Variants in SLC1A7 observed in about 807,000 individuals in gnomAD.
SLC1A7 encodes the protein solute carrier family 1 member 7.
SLC1A7 carries 40 observed loss-of-function variants against 47.7 expected under a neutral mutation model. The ratio of observed to expected loss-of-function variants is 0.84; its 90% confidence interval spans 0.65 to 1.09. The LOEUF is 1.09. Ranked by LOEUF, SLC1A7 falls within the 50% of genes least tolerant of loss-of-function variation. SLC1A7 has a pLI of 0.00. For missense variants in SLC1A7, 746 were observed against 769.5 expected, an observed-to-expected ratio of 0.97 and a Z score of 0.36; for synonymous variants, 323 against 325.6, an observed-to-expected ratio of 0.99 and a Z score of 0.09.
At chr1:53,107,153 T>TAAAAA (rs11417607) in intron 3 of SLC1A7, among the ~76,000 whole-genome samples, 1 of 24,334 alleles carries the variant, frequency 4.1e-5, no homozygotes, top group Non-Finnish European at 1.0e-4. Flanking sequence ...AGACTCTGAC[T>TAAAAA]AAAAAAAAAA....
chr1:53,134,274 G>T, intron 2 of SLC1A7, 76 bp downstream of exon 2: 1 of 1,063,464 alleles, frequency 9.4e-7, no homozygotes, highest in Non-Finnish European at 1.4e-6. Context: ...GCCACCCACA[G>T]CAGGAGCAGG....
rs1425595393 is a variant in SLC1A7 at position 53,092,848 on chromosome 1, C to A, written c.798-61G>T. 8 of 1,111,340 alleles carry A rather than the reference C, an allele frequency of 7.2e-6. No individual in the cohort carries two copies. In the South Asian group the frequency reaches 7.6e-5, roughly 11 times the overall value. 68.8% of individuals were successfully genotyped at this position (1,111,340 alleles called of 1,614,324 possible). Reference sequence around the variant, plus strand: ...GCAGGCAGACACACCCCGGCCCCAGCCCCGCATCGCTGCGCGGCCTTCCCC... The same window carrying A: ...GCAGGCAGACACACCCCGGCCCCAGACCCGCATCGCTGCGCGGCCTTCCCC... On this transcript the variant is annotated intron_variant, in intron 6 of 10. Coordinates refer to ENST00000371494, the MANE Select transcript of SLC1A7 (RefSeq NM_006671.6).
At chr1:53,128,346 G>T (rs113488492) in intron 2 of SLC1A7, among the ~76,000 whole-genome samples, 1 of 152,148 alleles carries the variant, frequency 6.6e-6, no homozygotes, top group Admixed American at 6.5e-5. Flanking sequence ...GCATGGTGGC[G>T]TGTGCCTGTA....
intron 3 of SLC1A7, among the ~76,000 whole-genome samples, chr1:53,109,310 C>T (rs1017915453): frequency 6.6e-6 from 1 of 152,156 alleles, no homozygotes; most frequent in East Asian, 1.9e-4. Flanking sequence ...ATAAATAGAG[C>T]CCAGTCATTA....
At position 53,088,960 on chromosome 1, in the gene SLC1A7, T is replaced by C; in HGVS notation, c.1381A>G (p.Ile461Val). The C allele has an allele frequency of 1.2e-6, 2 of 1,614,048 alleles. No individual in the cohort carries two copies. Among genetic ancestry groups the C allele is most frequent in the South Asian group, 1.1e-5 (1 of 91,088 alleles). ...DWALDRFRTM[I>V]NVLGDALAAG... ...GCCAGCGCATCACCCAGCACGTTAA[T>C]CATGGTGCGGAAACGGTCCCTGGTG... Residue 461 changes from isoleucine to valine, a missense_variant, in exon 10 of 11, where the codon ATT (isoleucine) becomes GTT (valine). By Grantham distance (29) the Ile-to-Val change is conservative. Coordinates refer to ENST00000371494, the MANE Select transcript of SLC1A7 (RefSeq NM_006671.6).
Position 53,090,967 on chromosome 1 carries a change from C to T in SLC1A7, c.1032-161G>A, listed in dbSNP as rs1044309887. The T allele has an allele frequency of 5.3e-6, 8 of 1,503,246 alleles. No individual in the cohort carries two copies. The South Asian group carries it at 8.9e-5, about 17-fold the overall frequency. The allele number at this position is 1,503,246 out of a possible 1,614,324, so 93.1% of individuals were successfully genotyped here. A position where few individuals can be genotyped will look rare whatever the true frequency, so the allele number is the denominator to read the frequency against. ...GGTAAGGACCGCGGGCACTGCAGTG[C>T]TCTCACTTGGTTCTTCCTATGAGGG... is the stretch of plus-strand genomic sequence containing the variant. On this transcript the variant is annotated intron_variant, in intron 7 of 10. Transcript: ENST00000371494.
Position 53,093,521 on chromosome 1 carries a change from A to G in SLC1A7, c.737T>C (p.Leu246Pro), listed in dbSNP as rs1557667839. 2 of 1,609,864 alleles carry G rather than the reference A, an allele frequency of 1.2e-6. No homozygotes were observed. The highest frequency in any genetic ancestry group is 1.7e-6 in the Non-Finnish European group (2 of 1,179,748). ...ATTGAGGCACTGGCAGAAGCTGACC[A>G]GGGGGGCCCCGCTGTCACCCATGCG... Reference protein sequence around the residue: ...LGRMGDSGAPLVSFCQCLNES... With the variant: ...LGRMGDSGAPPVSFCQCLNES... Residue 246 changes from leucine to proline, a missense_variant, in exon 6 of 11, where the codon CTG becomes CCG. Coordinates refer to ENST00000371494, the MANE Select transcript of SLC1A7 (RefSeq NM_006671.6).
At chr1:53,088,276 G>A (rs2150312179) in intron 10 of SLC1A7, 49 bp from the exon 11 acceptor site, 1 of 1,468,044 alleles carries the variant, frequency 6.8e-7, no homozygotes, top group East Asian at 2.5e-5. Context: ...ACCAAGGTTA[G>A]ATACGAGGGA....
chr1:53,105,625 T>C, intron 4 of SLC1A7, 107 bp downstream of exon 4: 1 of 906,904 alleles, frequency 1.1e-6, no homozygotes, highest in East Asian at 2.4e-5. Flanking sequence ...GCAGACAGCG[T>C]GACTGGCCAG....
intron 2 of SLC1A7, among the ~76,000 whole-genome samples, chr1:53,132,157 G>C (rs1248400605): frequency 6.6e-6 from 1 of 152,148 alleles, no homozygotes; most frequent in East Asian, 1.9e-4. Flanking sequence ...CCTAGACCAG[G>C]TTAATGGTCT....
At chr1:53,111,182 G>A (rs1256613274) in intron 3 of SLC1A7, among the ~76,000 whole-genome samples, 1 of 152,156 alleles carries the variant, frequency 6.6e-6, no homozygotes, top group Non-Finnish European at 1.5e-5. Context: ...CTCAGGAGAG[G>A]CGACACCCAG....
chr1:53,107,469 C>T (rs1305906255), intron 3 of SLC1A7, among the ~76,000 whole-genome samples: 3 of 152,122 alleles, frequency 2.0e-5, no homozygotes, highest in Non-Finnish European at 4.4e-5. Flanking sequence ...TTATGTAAAC[C>T]GCTAACATCA....
chr1:53,096,766 C>T (rs72480621), intron 5 of SLC1A7, among the ~76,000 whole-genome samples: 9,785 of 151,576 alleles, frequency 0.065, 415 homozygotes, highest in East Asian at 0.16. Flanking sequence ...AGCCTTGGTA[C>T]ACTCACAGAT....
intron 6 of SLC1A7, 21 bp from the exon 7 acceptor site, chr1:53,092,808 AG>A (rs1644440062): frequency 6.5e-7 from 1 of 1,533,206 alleles, no homozygotes; most frequent in South Asian, 1.1e-5. Context: ...CGGGGCAGCC[AG>A]GCTCAGGAAC....
Position 53,100,527 on chromosome 1 carries a change from C to T in SLC1A7, c.697+2819G>A, listed in dbSNP as rs533193624. Among the ~76,000 whole-genome samples the T allele has an allele frequency of 6.6e-5, 10 of 150,806 alleles. No individual in the cohort carries two copies. The East Asian group carries it at 7.9e-4, about 12-fold the overall frequency. On this transcript the variant is annotated intron_variant, in intron 5 of 10. Coordinates refer to ENST00000371494, the MANE Select transcript of SLC1A7 (RefSeq NM_006671.6). Reference sequence around the variant, plus strand: ...TTCACACACACCACCTCGGTACACTCGCACACCCAACCTTGGTATACTCAC... The same window carrying T: ...TTCACACACACCACCTCGGTACACTTGCACACCCAACCTTGGTATACTCAC...
At chr1:53,124,147 G>A (rs1644854513) in intron 2 of SLC1A7, among the ~76,000 whole-genome samples, 1 of 152,234 alleles carries the variant, frequency 6.6e-6, no homozygotes, top group Admixed American at 6.5e-5. Context: ...AGGAAGGGGA[G>A]AAGGGAGTGT....
chr1:53,087,636 T>G lies in SLC1A7; in HGVS notation c.*373A>C. 1 of 161,464 alleles carries G rather than the reference T, an allele frequency of 6.2e-6. No individual in the cohort carries two copies. Among genetic ancestry groups the G allele is most frequent in the Non-Finnish European group, 1.3e-5 (1 of 74,226 alleles). The allele number at this position is 161,464 out of a possible 1,614,324, so 10.0% of individuals were successfully genotyped here. On this transcript the variant is annotated 3_prime_UTR_variant, in exon 11 of 11. Coordinates refer to ENST00000371494, the MANE Select transcript of SLC1A7 (RefSeq NM_006671.6). ...GAGGAGAGGCGGGGCTTGAAAGATT[T>G]GAGTTAGTGTCTTGACCTTAACGTG... is the stretch of plus-strand genomic sequence containing the variant.
intron 1 of SLC1A7, among the ~76,000 whole-genome samples, chr1:53,136,654 A>AAAAACATATATATAT (rs1557693524): frequency 3.2e-4 from 14 of 43,712 alleles, no homozygotes; most frequent in African/African-American, 1.2e-3. Context: ...TATATATATT[A>AAAAACATATATATAT]TATATATATA....
chr1:53,096,773 A>T (rs1307332623), intron 5 of SLC1A7, among the ~76,000 whole-genome samples: 1 of 151,138 alleles, frequency 6.6e-6, no homozygotes, highest in Non-Finnish European at 1.5e-5. Context: ...GTACACTCAC[A>T]GATACTGCCT....
Sources: gnomAD v4.1 joint callset for allele counts (sites outside exome capture counted in the v4.1 genomes callset) on GRCh38, gnomAD v4.1.1 for gene constraint, MANE v1.5 for transcripts, NCBI Gene and HGNC (gene_info 2026-07-23, HGNC 2026-07-21) for gene names.